CAMKMT: variants seen among roughly 807,000 people sequenced by gnomAD.
CAMKMT encodes calmodulin-lysine N-methyltransferase, also known as CaM KMT.
In CAMKMT, 53 loss-of-function variants were observed where a neutral mutation model predicts 48.0. That is an observed-to-expected ratio of 1.10 (90% CI 0.89 to 1.39). The LOEUF (loss-of-function observed/expected upper bound fraction) is 1.39, where lower values mean the gene tolerates loss of function less well. Among genes scored for constraint, CAMKMT ranks in the 40% most tolerant of loss-of-function variants. CAMKMT has a pLI of 0.00. For missense variants in CAMKMT, 428 were observed against 402.7 expected (o/e 1.06, Z -0.54); for synonymous variants, 165 against 152.3 (o/e 1.08, Z -0.61).
intron 3 of CAMKMT, among the ~76,000 whole-genome samples, chr2:44,459,450 G>A (rs557887240): frequency 6.6e-6 from 1 of 152,094 alleles, no homozygotes; most frequent in Non-Finnish European, 1.5e-5. Flanking sequence ...CCTAGGTGAT[G>A]AAATGTATTA....
chr2:44,362,820 T>C (rs891180863), intron 1 of CAMKMT, among the ~76,000 whole-genome samples: 1 of 152,246 alleles, frequency 6.6e-6, no homozygotes. Flanking sequence ...AAGTTTCTGC[T>C]GTTACTTACA....
chr2:44,384,005 T>G (rs139231418), intron 2 of CAMKMT, among the ~76,000 whole-genome samples: 1,926 of 152,326 alleles, frequency 0.013, 46 homozygotes, highest in African/African-American at 0.044. Context: ...GTGGGATTGC[T>G]GGACCAAATG....
chr2:44,572,120 T>G (rs1040983861), intron 3 of CAMKMT, among the ~76,000 whole-genome samples: 20 of 152,232 alleles, frequency 1.3e-4, no homozygotes, highest in African/African-American at 4.6e-4. Context: ...AGACTGAGAC[T>G]GTACCCATTA....
intron 3 of CAMKMT, among the ~76,000 whole-genome samples, chr2:44,642,917 C>G (rs1355223528): frequency 6.6e-6 from 1 of 152,086 alleles, no homozygotes; most frequent in African/African-American, 2.4e-5. Flanking sequence ...CAGGTAAAGG[C>G]TCATATTGAG....
chr2:44,672,977 C>T (rs1675420354), intron 3 of CAMKMT, among the ~76,000 whole-genome samples: 1 of 152,128 alleles, frequency 6.6e-6, no homozygotes, highest in Admixed American at 6.5e-5. Flanking sequence ...TCTCTTACAA[C>T]AACTTTAGAC....
intron 3 of CAMKMT, among the ~76,000 whole-genome samples, chr2:44,552,854 A>G (rs1472610059): frequency 6.6e-6 from 1 of 152,170 alleles, no homozygotes; most frequent in Non-Finnish European, 1.5e-5. Context: ...GGACAGGATA[A>G]GTTTATGTCA....
chr2:44,640,385 A>T (rs759047042), intron 3 of CAMKMT, among the ~76,000 whole-genome samples: 3 of 152,180 alleles, frequency 2.0e-5, no homozygotes, highest in African/African-American at 7.2e-5. Context: ...CTGCCTGGAT[A>T]ATCTCCAGGT....
At chr2:44,452,718 T>A (rs1457343362) in intron 3 of CAMKMT, among the ~76,000 whole-genome samples, 1 of 152,024 alleles carries the variant, frequency 6.6e-6, no homozygotes, top group East Asian at 1.9e-4. Context: ...TTTACATGAG[T>A]GTGCAAGTAG....
intron 3 of CAMKMT, among the ~76,000 whole-genome samples, chr2:44,468,956 A>G (rs556411817): frequency 6.6e-6 from 1 of 152,172 alleles, no homozygotes; most frequent in South Asian, 2.1e-4. Context: ...AAAGAAAGAA[A>G]AATGTATGTT....
At chr2:44,522,165 G>A (rs1671151159) in intron 3 of CAMKMT, among the ~76,000 whole-genome samples, 1 of 151,844 alleles carries the variant, frequency 6.6e-6, no homozygotes. Flanking sequence ...CACCACTCCT[G>A]GCTAATTTTT....
intron 3 of CAMKMT, among the ~76,000 whole-genome samples, chr2:44,446,251 G>A (rs1028880346): frequency 2.0e-5 from 3 of 151,908 alleles, no homozygotes; most frequent in Non-Finnish European, 4.4e-5. Flanking sequence ...CCTGGCAACA[G>A]ATATTTACTG....
At chr2:44,443,164 G>T (rs141548762) in intron 3 of CAMKMT, among the ~76,000 whole-genome samples, 1 of 152,036 alleles carries the variant, frequency 6.6e-6, no homozygotes, top group South Asian at 2.1e-4. Context: ...AAAAATGTTC[G>T]TATCATTTGG....
chr2:44,381,598 A>G (rs1388600982), intron 2 of CAMKMT, among the ~76,000 whole-genome samples: 4 of 152,342 alleles, frequency 2.6e-5, no homozygotes, highest in Non-Finnish European at 5.9e-5. Flanking sequence ...TTCTGGTTCA[A>G]TAAATTATGG....
At chr2:44,385,956 C>G (rs1231560586) in intron 2 of CAMKMT, among the ~76,000 whole-genome samples, 2 of 151,946 alleles carry the variant, frequency 1.3e-5, no homozygotes, top group Non-Finnish European at 2.9e-5. Context: ...ATGTCTGTCC[C>G]TGGTTTTGGT....
intron 3 of CAMKMT, among the ~76,000 whole-genome samples, chr2:44,673,520 A>AGGAG (rs754694512): frequency 6.2e-4 from 55 of 88,064 alleles, no homozygotes; most frequent in African/African-American, 2.1e-3. Context: ...GAAGGAAGGA[A>AGGAG]GGAGGGAAGG....
At chr2:44,502,403 A>C (rs907608579) in intron 3 of CAMKMT, among the ~76,000 whole-genome samples, 1 of 152,000 alleles carries the variant, frequency 6.6e-6, no homozygotes, top group Non-Finnish European at 1.5e-5. Flanking sequence ...TCTGCACTTC[A>C]AGCCTTCCTT....
intron 3 of CAMKMT, among the ~76,000 whole-genome samples, chr2:44,556,429 G>T (rs558462182): frequency 6.9e-6 from 1 of 145,016 alleles, no homozygotes; most frequent in Non-Finnish European, 1.5e-5. Context: ...ATGAGCCACC[G>T]TGTCCAGCCA....
intron 3 of CAMKMT, among the ~76,000 whole-genome samples, chr2:44,425,935 T>C (rs1684249522): frequency 6.6e-6 from 1 of 152,178 alleles, no homozygotes; most frequent in South Asian, 2.1e-4. Flanking sequence ...TTCACCATGT[T>C]GGTCAGGCTG....
chr2:44,520,280 A>G (rs1383014444), intron 3 of CAMKMT, among the ~76,000 whole-genome samples: 2 of 152,132 alleles, frequency 1.3e-5, no homozygotes, highest in East Asian at 3.9e-4. Flanking sequence ...TGTTGCCCAG[A>G]CTATGTTGCC....
Sources: allele counts gnomAD v4.1 joint callset (sites outside exome capture counted in the v4.1 genomes callset), GRCh38; gene constraint gnomAD v4.1.1; transcripts MANE v1.5; gene names NCBI Gene and HGNC (gene_info 2026-07-23, HGNC 2026-07-21).